The following MAPK10 variants were observed in gnomAD, a reference collection of about 807,000 sequenced individuals.
MAPK10 encodes mitogen-activated protein kinase 10.
Under a neutral mutation model 59.3 loss-of-function variants are expected in MAPK10, and 25 were observed. The observed-to-expected ratio is 0.42, with a 90% confidence interval of 0.31 to 0.59. The LOEUF (loss-of-function observed/expected upper bound fraction) is 0.59. Ranked by LOEUF, MAPK10 falls within the 20% of genes least tolerant of loss-of-function variation. MAPK10 has a pLI of 0.15. For missense variants in MAPK10, 351 were observed against 568.9 expected, an observed-to-expected ratio of 0.62 and a Z score of 3.90; for synonymous variants, 190 against 200.5, an observed-to-expected ratio of 0.95 and a Z score of 0.44.
chr4:86,432,081 T>A (rs890128282), intron 1 of MAPK10, among the ~76,000 whole-genome samples: 2 of 152,086 alleles, frequency 1.3e-5, no homozygotes, highest in African/African-American at 4.8e-5. Context: ...AAAAGCTGAT[T>A]TCTGTGTAGC....
intron 1 of MAPK10, among the ~76,000 whole-genome samples, chr4:86,386,591 T>C (rs1253449604): frequency 4.6e-5 from 7 of 152,166 alleles, no homozygotes; most frequent in Non-Finnish European, 1.5e-5. Flanking sequence ...AGTTTTTTTT[T>C]TCTTAAATTA....
chr4:86,204,185 T>C (rs1192902338), intron 2 of MAPK10, among the ~76,000 whole-genome samples: 1 of 151,956 alleles, frequency 6.6e-6, no homozygotes. Flanking sequence ...TAGAGCATGC[T>C]AACTGACAAA....
At chr4:86,148,527 A>G (rs1209370834) in intron 4 of MAPK10, among the ~76,000 whole-genome samples, 2 of 152,192 alleles carry the variant, frequency 1.3e-5, no homozygotes, top group African/African-American at 4.8e-5. Flanking sequence ...TTAACTATCC[A>G]TGATGATAGC....
intron 13 of MAPK10, chr4:86,025,578 T>C (rs1749759219): frequency 2.5e-6 from 1 of 398,096 alleles, no homozygotes; most frequent in Non-Finnish European, 4.4e-6. Flanking sequence ...TCTTTCTATA[T>C]TATTTAAGAG....
intron 1 of MAPK10, among the ~76,000 whole-genome samples, chr4:86,430,497 A>G (rs998194243): frequency 2.6e-5 from 4 of 152,182 alleles, no homozygotes; most frequent in Non-Finnish European, 4.4e-5. Context: ...CTGACAGCGC[A>G]AAGTTTAGAC....
intron 2 of MAPK10, among the ~76,000 whole-genome samples, chr4:86,305,841 A>G (rs1219683840): frequency 6.6e-6 from 1 of 152,106 alleles, no homozygotes; most frequent in Non-Finnish European, 1.5e-5. Context: ...AAAAAAATCA[A>G]AACAGACAAT....
chr4:86,412,313 C>T (rs1375157577), intron 1 of MAPK10, among the ~76,000 whole-genome samples: 1 of 152,164 alleles, frequency 6.6e-6, no homozygotes, highest in Non-Finnish European at 1.5e-5. Flanking sequence ...CCCTACTTTT[C>T]TCTCTGGCTG....
At chr4:86,389,230 C>T (rs1741886713) in intron 1 of MAPK10, among the ~76,000 whole-genome samples, 1 of 152,154 alleles carries the variant, frequency 6.6e-6, no homozygotes. Flanking sequence ...TTGCCTTCCA[C>T]CATGATTGTG....
At chr4:86,108,640 A>C (rs1295996205) in intron 4 of MAPK10, among the ~76,000 whole-genome samples, 3 of 152,282 alleles carry the variant, frequency 2.0e-5, no homozygotes, top group Non-Finnish European at 4.4e-5. Flanking sequence ...CCACCTCCAA[A>C]AACATGGAAA....
chr4:86,089,804 G>A (rs1282496855), intron 9 of MAPK10, among the ~76,000 whole-genome samples: 1 of 152,104 alleles, frequency 6.6e-6, no homozygotes, highest in African/African-American at 2.4e-5. Context: ...AAGAATGAAT[G>A]TTTCAGAATA....
intron 9 of MAPK10, among the ~76,000 whole-genome samples, chr4:86,071,475 T>C (rs1234215943): frequency 1.4e-5 from 2 of 143,738 alleles, no homozygotes; most frequent in Non-Finnish European, 3.0e-5. Context: ...CCCATGCCTA[T>C]GTCCTGAATG....
chr4:86,019,108 G>A (rs1367651845), intron 13 of MAPK10, among the ~76,000 whole-genome samples: 1 of 152,044 alleles, frequency 6.6e-6, no homozygotes, highest in Admixed American at 6.6e-5. Context: ...GTACTCTATG[G>A]GAAATGTGAA....
At chr4:86,050,471 A>G (rs187455772) in intron 11 of MAPK10, among the ~76,000 whole-genome samples, 1 of 152,174 alleles carries the variant, frequency 6.6e-6, no homozygotes, top group East Asian at 1.9e-4. Flanking sequence ...AGTGGTTTCC[A>G]CTGTGCTCTA....
At chr4:86,375,355 T>C (rs765246013) in intron 1 of MAPK10, among the ~76,000 whole-genome samples, 4 of 152,084 alleles carry the variant, frequency 2.6e-5, no homozygotes, top group Non-Finnish European at 4.4e-5. Flanking sequence ...CACCAAGAAC[T>C]TGCAAGAGCT....
chr4:86,108,043 G>C (rs547934155), intron 4 of MAPK10, among the ~76,000 whole-genome samples: 2 of 152,064 alleles, frequency 1.3e-5, no homozygotes, highest in East Asian at 3.9e-4. Context: ...TAAAAGCACT[G>C]GTGGGCTGAT....
intron 1 of MAPK10, among the ~76,000 whole-genome samples, chr4:86,469,564 A>G (rs1752498617): frequency 6.6e-6 from 1 of 152,338 alleles, no homozygotes; most frequent in African/African-American, 2.4e-5. Flanking sequence ...AGATTTTCCA[A>G]TTGCCAATAC....
At chr4:86,390,376 C>T (rs956304051) in intron 1 of MAPK10, among the ~76,000 whole-genome samples, 4 of 152,292 alleles carry the variant, frequency 2.6e-5, no homozygotes, top group Admixed American at 6.5e-5. Flanking sequence ...AACAGCTTTG[C>T]AACACTTTTG....
intron 2 of MAPK10, among the ~76,000 whole-genome samples, chr4:86,234,387 G>T (rs988982924): frequency 6.6e-5 from 10 of 152,038 alleles, no homozygotes; most frequent in African/African-American, 2.4e-4. Context: ...CTGAGTTAAA[G>T]TTGATGTAAT....
At chr4:86,174,656 TC>T (rs1222160609) in intron 3 of MAPK10, among the ~76,000 whole-genome samples, 1 of 152,156 alleles carries the variant, frequency 6.6e-6, no homozygotes, top group African/African-American at 2.4e-5. Flanking sequence ...CACTTCTCTT[TC>T]CACAGTGGTG....
Sources: allele counts gnomAD v4.1 joint callset (sites outside exome capture counted in the v4.1 genomes callset), GRCh38; gene constraint gnomAD v4.1.1; transcripts MANE v1.5; gene names NCBI Gene and HGNC (gene_info 2026-07-23, HGNC 2026-07-21).